The following CNBD1 variants were observed in gnomAD, a reference collection of about 807,000 sequenced individuals.
CNBD1 encodes cyclic nucleotide-binding domain-containing protein 1.
Under a neutral mutation model 54.4 loss-of-function variants are expected in CNBD1, and 71 were observed. The ratio of observed to expected loss-of-function variants is 1.30; its 90% CI spans 1.08 to 1.59. CNBD1 has a LOEUF of 1.59. Among genes scored for constraint, CNBD1 ranks in the 40% most tolerant of loss-of-function variants. CNBD1 has a pLI of 0.00. For synonymous variants in CNBD1, 182 were observed against 170.7 expected (o/e 1.07, Z -0.51); for missense variants, 659 against 518.0 (o/e 1.27, Z -2.64).
intron 6 of CNBD1, among the ~76,000 whole-genome samples, chr8:87,238,377 G>A (rs1807623804): frequency 6.6e-6 from 1 of 152,100 alleles, no homozygotes; most frequent in Non-Finnish European, 1.5e-5. Flanking sequence ...TGCCCATGGG[G>A]TAGGCTTATG....
intron 2 of CNBD1, among the ~76,000 whole-genome samples, chr8:87,422,441 G>A (rs544284237): frequency 2.7e-4 from 41 of 150,284 alleles, no homozygotes; most frequent in South Asian, 1.9e-3. Context: ...ATCTTGAATT[G>A]ATTTTTGTAT....
intron 4 of CNBD1, among the ~76,000 whole-genome samples, chr8:87,043,282 T>G (rs775333729): frequency 1.3e-5 from 2 of 152,186 alleles, no homozygotes; most frequent in Non-Finnish European, 2.9e-5. Context: ...GACCTGGGCT[T>G]CCCTCCTCAT....
intron 10 of CNBD1, among the ~76,000 whole-genome samples, chr8:87,372,308 A>G (rs1390979727): frequency 2.6e-5 from 4 of 151,994 alleles, no homozygotes; most frequent in African/African-American, 9.7e-5. Context: ...ATAATTTATG[A>G]TGGGCCCTGT....
chr8:86,887,883 A>G (rs1281100267), intron 2 of CNBD1, among the ~76,000 whole-genome samples: 1 of 152,162 alleles, frequency 6.6e-6, no homozygotes, highest in Non-Finnish European at 1.5e-5. Context: ...ATAAGGGGAA[A>G]AAGCCTTAAG....
At chr8:87,340,531 T>C (rs1454912431) in intron 8 of CNBD1, among the ~76,000 whole-genome samples, 1 of 152,200 alleles carries the variant, frequency 6.6e-6, no homozygotes, top group Admixed American at 6.5e-5. Context: ...ACTCTCATAA[T>C]GCACATGTTG....
At chr8:87,128,361 G>A (rs1027976251) in intron 4 of CNBD1, among the ~76,000 whole-genome samples, 1 of 152,162 alleles carries the variant, frequency 6.6e-6, no homozygotes, top group Non-Finnish European at 1.5e-5. Flanking sequence ...GAGCTCAGGG[G>A]CACACACCTT....
intron 3 of CNBD1, among the ~76,000 whole-genome samples, chr8:86,919,207 T>C (rs1809234659): frequency 6.6e-6 from 1 of 152,124 alleles, no homozygotes; most frequent in Admixed American, 6.6e-5. Flanking sequence ...CATATTGGGA[T>C]CCAGAAATAC....
intron 4 of CNBD1, among the ~76,000 whole-genome samples, chr8:87,170,117 C>CA (rs1813055067): frequency 6.6e-6 from 1 of 151,950 alleles, no homozygotes; most frequent in Non-Finnish European, 1.5e-5. Context: ...TTGTAGAGAA[C>CA]TTTCACTTCT....
intron 6 of CNBD1, among the ~76,000 whole-genome samples, chr8:87,242,038 A>G (rs935570476): frequency 6.6e-6 from 1 of 152,178 alleles, no homozygotes; most frequent in African/African-American, 2.4e-5. Context: ...GGGGTCAGAC[A>G]TTCCTCATTA....
intron 8 of CNBD1, among the ~76,000 whole-genome samples, chr8:87,318,930 A>C (rs1405030290): frequency 6.6e-5 from 10 of 152,064 alleles, no homozygotes. Context: ...TAAGAGTTTT[A>C]GGAGAGCTAA....
intron 10 of CNBD1, among the ~76,000 whole-genome samples, chr8:87,355,707 A>C (rs1420433857): frequency 6.6e-6 from 1 of 152,210 alleles, no homozygotes; most frequent in Non-Finnish European, 1.5e-5. Flanking sequence ...CAACAGACTA[A>C]ATTGAAAGTT....
chr8:87,286,715 T>C (rs1808708129), intron 8 of CNBD1, 44 bp downstream of exon 8: 3 of 1,353,338 alleles, frequency 2.2e-6, no homozygotes, highest in Non-Finnish European at 2.0e-6. Context: ...CATTCTGTTA[T>C]ATTATTGGAA....
intron 10 of CNBD1, among the ~76,000 whole-genome samples, chr8:87,370,489 A>G (rs36174933): frequency 0.37 from 56,328 of 151,758 alleles, 10,774 homozygotes; most frequent in Middle Eastern, 0.45. Flanking sequence ...GATGGTGCGC[A>G]TTTTTTCATG....
intron 4 of CNBD1, among the ~76,000 whole-genome samples, chr8:87,010,851 C>T (rs934415572): frequency 6.6e-6 from 1 of 152,148 alleles, no homozygotes; most frequent in Admixed American, 6.6e-5. Context: ...TCTGAAACTT[C>T]CAATGTCTGA....
At chr8:87,244,014 A>C (rs903583901) in intron 6 of CNBD1, among the ~76,000 whole-genome samples, 2 of 152,162 alleles carry the variant, frequency 1.3e-5, no homozygotes, top group African/African-American at 4.8e-5. Context: ...TTAATTTAGA[A>C]AGTTTATTTT....
intron 4 of CNBD1, among the ~76,000 whole-genome samples, chr8:86,955,593 G>A (rs1257670003): frequency 2.0e-5 from 3 of 151,936 alleles, no homozygotes; most frequent in Non-Finnish European, 4.4e-5. Flanking sequence ...GTGATGATGA[G>A]CAGTTTTTCA....
At chr8:87,111,847 C>T (rs774659950) in intron 4 of CNBD1, among the ~76,000 whole-genome samples, 3 of 152,082 alleles carry the variant, frequency 2.0e-5, no homozygotes, top group Non-Finnish European at 2.9e-5. Flanking sequence ...TTACTCCCAC[C>T]TTGCTGCTGA....
At chr8:87,008,897 T>G (rs1586195354) in intron 4 of CNBD1, among the ~76,000 whole-genome samples, 1 of 152,186 alleles carries the variant, frequency 6.6e-6, no homozygotes, top group Non-Finnish European at 1.5e-5. Context: ...TTGAATAAAC[T>G]TAGATACTTT....
At chr8:87,358,447 A>T (rs1020705211) in intron 10 of CNBD1, among the ~76,000 whole-genome samples, 2 of 152,144 alleles carry the variant, frequency 1.3e-5, no homozygotes, top group East Asian at 1.9e-4. Flanking sequence ...TTCTTTTCCT[A>T]TATAATAATA....
Sources: gnomAD v4.1 joint callset for allele counts (sites outside exome capture counted in the v4.1 genomes callset) on GRCh38, gnomAD v4.1.1 for gene constraint, MANE v1.5 for transcripts, NCBI Gene and HGNC (gene_info 2026-07-23, HGNC 2026-07-21) for gene names.